MMEL1: variants seen among roughly 807,000 people sequenced by gnomAD.
The protein encoded by MMEL1 is membrane metalloendopeptidase like 1, also known as membrane metallo-endopeptidase-like 1.
MMEL1 carries 98 observed loss-of-function variants against 117.1 expected under a neutral mutation model. The ratio of observed to expected loss-of-function variants is 0.84; its 90% CI spans 0.71 to 0.99. The LOEUF is 0.99. Ranked by LOEUF, MMEL1 falls within the 50% of genes least tolerant of loss-of-function variation. The probability of loss-of-function intolerance (pLI) is 0.00; values close to 1 mark genes in which losing one functional copy is unlikely to be tolerated. For synonymous variants in MMEL1, 390 were observed against 415.1 expected (o/e 0.94, Z 0.74); for missense variants, 1,014 against 1,049.1 (o/e 0.97, Z 0.46).
intron 3 of MMEL1, 27 bp from the exon 4 acceptor site, chr1:2,611,367 CG>C (rs1557545559): frequency 7.8e-7 from 1 of 1,283,914 alleles, no homozygotes; most frequent in South Asian, 1.4e-5. Flanking sequence ...GCCTGAGCAC[CG>C]GGAGCCACGG....
intron 6 of MMEL1, among the ~76,000 whole-genome samples, chr1:2,608,746 C>T (rs748166266): frequency 7.9e-5 from 12 of 152,148 alleles, no homozygotes; most frequent in Middle Eastern, 3.4e-3. Flanking sequence ...GTGACATGCA[C>T]GTAACACACA....
chr1:2,623,232 G>A (rs1025694581), intron 2 of MMEL1, among the ~76,000 whole-genome samples: 2 of 151,982 alleles, frequency 1.3e-5, no homozygotes, highest in African/African-American at 2.4e-5. Context: ...GGTGCGAAGA[G>A]TTAAACTGTT....
At chr1:2,593,218 G>A (rs951366483) in intron 19 of MMEL1, among the ~76,000 whole-genome samples, 8 of 152,226 alleles carry the variant, frequency 5.3e-5, no homozygotes, top group Non-Finnish European at 1.2e-4. Flanking sequence ...CTAGGGCCTA[G>A]CACCTGGGTC....
At chr1:2,594,239 C>T (rs753592977) in intron 18 of MMEL1, 146 bp downstream of exon 18, 99 of 967,418 alleles carry the variant, frequency 1.0e-4, no homozygotes, top group Non-Finnish European at 1.4e-4. Context: ...GTGTTCCCCA[C>T]GGGGGCAGCA....
At chr1:2,616,964 C>T (rs1180836799) in intron 2 of MMEL1, among the ~76,000 whole-genome samples, 1 of 152,226 alleles carries the variant, frequency 6.6e-6, no homozygotes, top group Non-Finnish European at 1.5e-5. Context: ...TCCTGAGCAG[C>T]ACTTTCAAAA....
chr1:2,609,893 GA>G, intron 4 of MMEL1, 62 bp from the exon 5 acceptor site: 1 of 1,531,852 alleles, frequency 6.5e-7, no homozygotes, highest in Non-Finnish European at 8.8e-7. Context: ...GGACAGCCCA[GA>G]AGCCTGTCTC....
At chr1:2,592,633 C>G in intron 21 of MMEL1, 22 bp downstream of exon 21, 1 of 1,445,320 alleles carries the variant, frequency 6.9e-7, no homozygotes, top group Non-Finnish European at 9.2e-7. Context: ...GCGCTGACGC[C>G]CCCTCCCCTG....
At chr1:2,631,634 C>T (rs1638591483) in intron 1 of MMEL1, among the ~76,000 whole-genome samples, 1 of 152,142 alleles carries the variant, frequency 6.6e-6, no homozygotes, top group Non-Finnish European at 1.5e-5. Flanking sequence ...CCACCTCTCT[C>T]AGTCCCTGGC....
At chr1:2,594,563 C>G (rs1213769691) in intron 17 of MMEL1, 120 bp from the exon 18 acceptor site, 2 of 1,265,244 alleles carry the variant, frequency 1.6e-6, no homozygotes, top group Non-Finnish European at 2.2e-6. Flanking sequence ...CCAGGCCTAT[C>G]CCAAGATCTG....
In MMEL1 at chr1:2,592,286, C is replaced by T. The variant is rs1278353753; in HGVS notation, c.2068-259G>A. Among the ~76,000 whole-genome samples the T allele has an allele frequency of 1.3e-5, 2 of 149,706 alleles. 1 individual carries two copies. The highest frequency in any genetic ancestry group is 1.3e-4 in the Admixed American group (2 of 15,150). Reference sequence around the variant, plus strand: ...CTGTCCCGAATGAGCCCCTGACGCCCCCTCCCCTGAGGCACTGGTGCCCCC... The same window carrying T: ...CTGTCCCGAATGAGCCCCTGACGCCTCCTCCCCTGAGGCACTGGTGCCCCC... On this transcript the variant is annotated intron_variant, in intron 21 of 23. Coordinates refer to ENST00000378412, the MANE Select transcript of MMEL1 (RefSeq NM_033467.4).
chr1:2,613,860 A>G (rs1645165406), intron 2 of MMEL1, among the ~76,000 whole-genome samples: 1 of 152,168 alleles, frequency 6.6e-6, no homozygotes, highest in African/African-American at 2.4e-5. Context: ...CAAAATAAAA[A>G]CAAAAACAAA....
At chr1:2,591,123 G>A (rs1644688558) in intron 23 of MMEL1, 34 bp from the exon 24 acceptor site, 4 of 1,458,738 alleles carry the variant, frequency 2.7e-6, no homozygotes, top group Non-Finnish European at 3.7e-6. Flanking sequence ...CAGGAGCATT[G>A]CCATCTTGGA....
intron 6 of MMEL1, among the ~76,000 whole-genome samples, chr1:2,608,884 C>A (rs1645076841): frequency 6.7e-6 from 1 of 149,622 alleles, no homozygotes; most frequent in Non-Finnish European, 1.5e-5. Context: ...CCACATGTAA[C>A]ATATATAGAT....
At position 2,590,996 on chromosome 1, in the gene MMEL1, C is replaced by A; in HGVS notation, c.2334G>T (p.Val778=). Residue 778 remains valine (V), a synonymous_variant, in exon 24 of 24, where the codon GTG becomes GTT. Transcript: ENST00000378412. ...TPMHPKERCR[V]W ...CAGCGCGGCAGGGCCTTGGCTACCA[C>A]ACGCGGCATCGCTCCTTGGGGTGCA... The A allele has an allele frequency of 6.3e-7, 1 of 1,588,292 alleles. No individual in the cohort carries two copies. The highest frequency in any genetic ancestry group is 8.6e-7 in the Non-Finnish European group (1 of 1,169,348).
intron 7 of MMEL1, 47 bp downstream of exon 7, chr1:2,606,927 G>A (rs780364894): frequency 1.7e-5 from 26 of 1,525,570 alleles, no homozygotes; most frequent in Non-Finnish European, 2.3e-5. Flanking sequence ...CCCTGGTCCT[G>A]GTCCTCCTTT....
At position 2,612,147 on chromosome 1, in the gene MMEL1, A is replaced by T; in HGVS notation, c.212T>A (p.Phe71Tyr). 1.9e-6 allele frequency: 3 copies of T among 1,581,858 alleles called. No homozygotes were observed. The highest frequency in any genetic ancestry group is 2.6e-6 in the Non-Finnish European group (3 of 1,162,696). ...GCTACCTCGGGGTTTTCGTTTTACA[A>T]AGGTCCTCTCCTCCTGTAAGAAGCA... ...RLCFLQEERT[F>Y]VKRKPRGIPE... The change falls in exon 3 of 24, where the codon TTT becomes TAT. Residue 71 changes from phenylalanine to tyrosine, a missense_variant. Physicochemically the swap from Phe to Tyr is conservative, Grantham distance 22. Coordinates refer to ENST00000378412, the MANE Select transcript of MMEL1 (RefSeq NM_033467.4). This position sits in a 1 kb window ranked among gnomAD's most constrained non-coding sequence, Gnocchi z 5.4.
chr1:2,606,000 A>C (rs1218660462), intron 8 of MMEL1, among the ~76,000 whole-genome samples: 1 of 152,146 alleles, frequency 6.6e-6, no homozygotes, highest in Non-Finnish European at 1.5e-5. Flanking sequence ...CCCGCTGTTC[A>C]GGAGCCCCCG....
rs1645026282 is a variant in MMEL1, at chr1:2,606,266, G to A, written c.732C>T (p.Ser244=). 6.2e-7 allele frequency: 1 copy of A among 1,613,258 alleles called. No individual in the cohort carries two copies. Among genetic ancestry groups the A allele is most frequent in the South Asian group, 1.1e-5 (1 of 91,082 alleles). The change falls in exon 8 of 24, where the codon TCC becomes TCT. Residue 244 remains serine, a synonymous_variant. Coordinates refer to ENST00000378412, the MANE Select transcript of MMEL1 (RefSeq NM_033467.4). ...CTCGTACGTAGATGATGTGCCGGCT[G>A]GAGTTCTGGTCGTCGTTCCAGATGA... The part of the protein sequence containing the change: ...DLFIWNDDQN[S]SRHIIYIDQP...
intron 18 of MMEL1, 151 bp downstream of exon 18, chr1:2,594,234 C>A: frequency 1.1e-6 from 1 of 946,492 alleles, no homozygotes; most frequent in South Asian, 1.5e-5. Context: ...AGTGAGTGTT[C>A]CCCACGGGGG....
Sources: allele counts gnomAD v4.1 joint callset (sites outside exome capture counted in the v4.1 genomes callset), GRCh38; gene constraint gnomAD v4.1.1; non-coding constraint Gnocchi (gnomAD v3.1); transcripts MANE v1.5; gene names NCBI Gene and HGNC (gene_info 2026-07-23, HGNC 2026-07-21).